Variants in CSNK1G1 observed in about 807,000 individuals in gnomAD.
CSNK1G1 encodes the protein casein kinase 1 gamma 1, also known as casein kinase I isoform gamma-1.
In CSNK1G1, 22 loss-of-function variants were observed where a neutral mutation model predicts 59.6. The ratio of observed to expected loss-of-function variants is 0.37; its 90% CI spans 0.26 to 0.53. CSNK1G1 has a LOEUF of 0.53. Ranked by LOEUF, CSNK1G1 falls within the 20% of genes least tolerant of loss-of-function variation. The probability of loss-of-function intolerance (pLI) is 0.89; values close to 1 mark genes in which losing one functional copy is unlikely to be tolerated. For missense variants in CSNK1G1, 384 were observed against 519.5 expected (o/e 0.74, Z 2.54); for synonymous variants, 179 against 177.1 (o/e 1.01, Z -0.08).
intron 4 of CSNK1G1, among the ~76,000 whole-genome samples, chr15:64,244,546 A>T (rs1183899755): frequency 3.3e-5 from 5 of 152,246 alleles, no homozygotes; most frequent in Middle Eastern, 3.4e-3. Flanking sequence ...ATTCTTATGA[A>T]ATCACAGAAG....
At chr15:64,243,751 T>A (rs1891600053) in intron 4 of CSNK1G1, among the ~76,000 whole-genome samples, 1 of 152,172 alleles carries the variant, frequency 6.6e-6, no homozygotes, top group Admixed American at 6.5e-5. Flanking sequence ...GTGCCTGTAG[T>A]CCCATCTACT....
Position 64,300,393 on chromosome 15 carries a change from C to A in CSNK1G1, c.107G>T (p.Gly36Val). 1 of 1,614,092 alleles carries A rather than the reference C, an allele frequency of 6.2e-7. No individual in the cohort carries two copies. Among genetic ancestry groups the A allele is most frequent in the Non-Finnish European group, 8.5e-7 (1 of 1,180,022 alleles). Residue 36 changes from glycine (G) to valine (V), a missense_variant, in exon 2 of 12, where the codon GGG becomes GTG. Transcript: ENST00000303052. ...GAAGTTGGGTCCCACCATAAGAACCCCAGAGGACGATGAGGAGCCAGATGG... is the reference window on the plus strand; with the variant it reads ...GAAGTTGGGTCCCACCATAAGAACCACAGAGGACGATGAGGAGCCAGATGG... ...SRPSGSSSSS[G>V]VLMVGPNFRV...
intron 11 of CSNK1G1, among the ~76,000 whole-genome samples, chr15:64,178,187 T>C (rs753557268): frequency 2.6e-5 from 4 of 152,144 alleles, no homozygotes; most frequent in Non-Finnish European, 5.9e-5. Flanking sequence ...GAGTAACATA[T>C]TGTTTATTTA....
chr15:64,223,814 C>T (rs371897140), intron 4 of CSNK1G1, among the ~76,000 whole-genome samples: 21 of 152,238 alleles, frequency 1.4e-4, no homozygotes, highest in African/African-American at 5.1e-4. Context: ...ATGGCTCACA[C>T]GTACATCAAG....
intron 1 of CSNK1G1, among the ~76,000 whole-genome samples, chr15:64,334,296 G>C (rs1178868867): frequency 3.9e-5 from 6 of 152,110 alleles, no homozygotes; most frequent in African/African-American, 1.2e-4. Flanking sequence ...GGGATTACAG[G>C]AGTGAGCCAC....
At chr15:64,330,792 A>G (rs1336997089) in intron 1 of CSNK1G1, among the ~76,000 whole-genome samples, 3 of 33,764 alleles carry the variant, frequency 8.9e-5, no homozygotes, top group African/African-American at 3.6e-4. Flanking sequence ...GTCTCAGCCC[A>G]AAATCTCCTT....
intron 2 of CSNK1G1, among the ~76,000 whole-genome samples, chr15:64,264,115 C>T (rs1337525587): frequency 3.3e-5 from 5 of 152,056 alleles, no homozygotes; most frequent in Non-Finnish European, 2.9e-5. Flanking sequence ...AAAAGAAAGG[C>T]TAGTTTAGAA....
At chr15:64,293,197 C>A (rs967319773) in intron 2 of CSNK1G1, among the ~76,000 whole-genome samples, 5 of 152,180 alleles carry the variant, frequency 3.3e-5, no homozygotes, top group African/African-American at 9.7e-5. Flanking sequence ...CCTACCTACA[C>A]AATCACTATC....
chr15:64,300,660 C>A lies in CSNK1G1; in HGVS notation c.-161G>T. The A allele has an allele frequency of 3.1e-6, 4 of 1,279,170 alleles. No individual in the cohort carries two copies. The highest frequency in any genetic ancestry group is 4.0e-6 in the Non-Finnish European group (4 of 1,010,512). 79.2% of individuals were successfully genotyped at this position (1,279,170 alleles called of 1,614,324 possible). ...AATGTATCTCCGGGAGATGAAAAAC[C>A]ATTTATTTGTTCCCGTAGGAAATGT... On this transcript the variant is annotated 5_prime_UTR_variant, in exon 2 of 12. It removes an upstream start codon present in the reference 5' UTR. Transcript: ENST00000303052.
chr15:64,330,427 C>T (rs1255777576), intron 1 of CSNK1G1, among the ~76,000 whole-genome samples: 3 of 151,132 alleles, frequency 2.0e-5, no homozygotes, highest in Non-Finnish European at 2.9e-5. Flanking sequence ...ACAAAAACCA[C>T]ATGATTATCT....
intron 1 of CSNK1G1, among the ~76,000 whole-genome samples, chr15:64,329,447 G>C (rs1332147256): frequency 7.3e-6 from 1 of 137,710 alleles, no homozygotes; most frequent in African/African-American, 2.7e-5. Context: ...CGAAATGAAG[G>C]CAGAAATAAA....
rs2082161070 is a variant in CSNK1G1 at position 64,205,215 on chromosome 15, G to C, written c.766-266C>G. On this transcript the variant is annotated intron_variant, in intron 7 of 11. Transcript: ENST00000303052. ...ATCAAATATAATGGATGAGTGGCTA[G>C]GATAAGAAAATAACAATATTATGTG... Among the ~76,000 whole-genome samples, 3 of 151,722 alleles carry C rather than the reference G, an allele frequency of 2.0e-5. No individual in the cohort carries two copies. In the South Asian group the frequency reaches 6.2e-4, roughly 31 times the overall value.
At chr15:64,236,877 T>C (rs550894163) in intron 4 of CSNK1G1, among the ~76,000 whole-genome samples, 4 of 152,178 alleles carry the variant, frequency 2.6e-5, no homozygotes, top group African/African-American at 9.7e-5. Flanking sequence ...AGCAAAGATA[T>C]GGAATTAACC....
At chr15:64,259,483 TACACACACACACACACACACAC>T (rs59936401) in intron 2 of CSNK1G1, among the ~76,000 whole-genome samples, 1 of 139,716 alleles carries the variant, frequency 7.2e-6, no homozygotes, top group Non-Finnish European at 1.6e-5. Flanking sequence ...AAATCTCTCT[TACACACACACACACACACACAC>T]ACACACACAC....
At chr15:64,195,938 A>C (rs1004581376) in intron 10 of CSNK1G1, among the ~76,000 whole-genome samples, 5 of 152,190 alleles carry the variant, frequency 3.3e-5, no homozygotes, top group African/African-American at 7.2e-5. Context: ...TGTTCAAAAA[A>C]ATTGTGCTTG....
chr15:64,184,689 A>G (rs895242225), intron 10 of CSNK1G1, among the ~76,000 whole-genome samples: 5 of 151,826 alleles, frequency 3.3e-5, no homozygotes, highest in African/African-American at 1.2e-4. Flanking sequence ...AAAAAAAAAA[A>G]AAAAAGATTT....
At chr15:64,354,260 G>T (rs984667089) in intron 1 of CSNK1G1, among the ~76,000 whole-genome samples, 15 of 152,154 alleles carry the variant, frequency 9.9e-5, no homozygotes, top group African/African-American at 3.1e-4. Context: ...AGCCGAGATC[G>T]TGCCACTGCA....
At chr15:64,346,385 G>C (rs1252741912) in intron 1 of CSNK1G1, among the ~76,000 whole-genome samples, 1 of 150,598 alleles carries the variant, frequency 6.6e-6, no homozygotes, top group Non-Finnish European at 1.5e-5. Context: ...AAGATAAATA[G>C]GAGAAAATGT....
intron 1 of CSNK1G1, among the ~76,000 whole-genome samples, chr15:64,306,692 C>T (rs555669676): frequency 2.0e-4 from 31 of 152,318 alleles, no homozygotes; most frequent in African/African-American, 7.0e-4. Flanking sequence ...ACGTTTACAG[C>T]AGCTTCATTT....
Sources: gnomAD v4.1 joint callset for allele counts (sites outside exome capture counted in the v4.1 genomes callset) on GRCh38, gnomAD v4.1.1 for gene constraint, MANE v1.5 for transcripts, NCBI Gene and HGNC (gene_info 2026-07-23, HGNC 2026-07-21) for gene names.